The following SASH1 variants were observed in gnomAD, a reference collection of about 807,000 sequenced individuals.
SASH1 encodes SAM and SH3 domain-containing protein 1.
SASH1 carries 44 observed loss-of-function variants against 125.2 expected under a neutral mutation model. The ratio of observed to expected loss-of-function variants is 0.35; its 90% CI spans 0.28 to 0.45. The LOEUF (loss-of-function observed/expected upper bound fraction) is 0.45, where lower values mean the gene tolerates loss of function less well. Ranked by LOEUF, SASH1 falls within the 20% of genes least tolerant of loss-of-function variation. The probability of loss-of-function intolerance (pLI) is 1.00; values close to 1 mark genes in which losing one functional copy is unlikely to be tolerated. For synonymous variants in SASH1, 639 were observed against 649.1 expected (o/e 0.98, Z 0.24); for missense variants, 1,426 against 1,614.5 (o/e 0.88, Z 2.00).
At chr6:148,272,810 G>T (rs1466275934) in intron 1 of SASH1, among the ~76,000 whole-genome samples, 4 of 152,026 alleles carry the variant, frequency 2.6e-5, no homozygotes, top group Non-Finnish European at 5.9e-5. Flanking sequence ...AACCCCCAGG[G>T]GATCGGGACC....
the SASH1 span, among the ~76,000 whole-genome samples, chr6:148,214,321 A>G: frequency 6.6e-6 from 1 of 152,214 alleles, no homozygotes; most frequent in Non-Finnish European, 1.5e-5. Flanking sequence ...CATGTTAATA[A>G]TATAAGATGA....
At chr6:148,534,710 G>A in intron 15 of SASH1, 41 bp from the exon 16 acceptor site, 4 of 1,610,406 alleles carry the variant, frequency 2.5e-6, no homozygotes, top group Non-Finnish European at 2.5e-6. Flanking sequence ...CATGTGTCTG[G>A]GCTGGCTGAC....
chr6:148,446,676 A>G (rs1034149668), intron 4 of SASH1, among the ~76,000 whole-genome samples: 2 of 152,188 alleles, frequency 1.3e-5, no homozygotes, highest in Non-Finnish European at 2.9e-5. Context: ...TTGAAAAGGC[A>G]TAGACAGGTA....
rs1172034513 is a variant in SASH1 at position 148,544,333 on chromosome 6, C to T, written c.2863C>T (p.His955Tyr). ...RTPLEGHRKG[H>Y]EFEGTHHPLG... ...GCCTCTGGAGGGCCACAGAAAAGGA[C>T]ACGAGTTTGAAGGAACACACCATCC... Residue 955 changes from histidine to tyrosine, a missense_variant, in exon 18 of 20, where the codon CAC (histidine) becomes TAC (tyrosine). His to Tyr is a moderately conservative substitution (Grantham distance 83, BLOSUM62 2). Coordinates refer to ENST00000367467, the MANE Select transcript of SASH1 (RefSeq NM_015278.5). This position sits in a 1 kb window ranked among gnomAD's most constrained non-coding sequence, Gnocchi z 6.4. The T allele has an allele frequency of 6.2e-7, 1 of 1,614,100 alleles. No homozygotes were observed. The highest frequency in any genetic ancestry group is 8.5e-7 in the Non-Finnish European group (1 of 1,180,018).
At chr6:148,467,332 A>C (rs1777891527) in intron 4 of SASH1, among the ~76,000 whole-genome samples, 1 of 151,984 alleles carries the variant, frequency 6.6e-6, no homozygotes, top group Admixed American at 6.6e-5. Context: ...CCTGACCTCA[A>C]GTGATCTGCC....
chr6:148,514,458 T>TAAAAAAAAAAAA lies in SASH1; in HGVS notation c.862+19_862+30dup, dbSNP rs10710533. 4.0e-4 allele frequency: 232 copies of TAAAAAAAAAAAA among 573,322 alleles called. 10 individuals carry two copies. The highest frequency in any genetic ancestry group is 1.0e-3 in the East Asian group (9 of 8,786). The allele number at this position is 573,322 out of a possible 1,614,324, so 35.5% of individuals were successfully genotyped here. On this transcript the variant is annotated splice_region_variant and intron_variant, in intron 9 of 19. Transcript: ENST00000367467. Reference sequence around the variant, plus strand: ...AAATGAAAAAACCCAGCACTGAAGGTAAAAAAAAAAAAAAAAAAAAAAAAA... The same window carrying TAAAAAAAAAAAA: ...AAATGAAAAAACCCAGCACTGAAGGTAAAAAAAAAAAAAAAAAAAAAAAAAAAAAAAAAAAAA...
intron 1 of SASH1, among the ~76,000 whole-genome samples, chr6:148,308,262 G>C (rs187033256): frequency 7.5e-4 from 110 of 146,864 alleles, no homozygotes; most frequent in Non-Finnish European, 1.2e-3. Flanking sequence ...CAGTTAAAAA[G>C]ATATTAAATC....
intron 2 of SASH1, among the ~76,000 whole-genome samples, chr6:148,412,743 G>A (rs1460507374): frequency 2.0e-5 from 3 of 152,012 alleles, no homozygotes; most frequent in Non-Finnish European, 4.4e-5. Context: ...AAACACCCCC[G>A]ACCAGGCCCC....
At chr6:148,447,488 T>C (rs1365040799) in intron 4 of SASH1, among the ~76,000 whole-genome samples, 2 of 152,132 alleles carry the variant, frequency 1.3e-5, no homozygotes, top group African/African-American at 4.8e-5. Context: ...GTCTTCACCC[T>C]CTTTCCTCTG....
intron 1 of SASH1, among the ~76,000 whole-genome samples, chr6:148,321,428 T>C (rs1049577536): frequency 1.3e-5 from 2 of 151,452 alleles, no homozygotes; most frequent in Non-Finnish European, 2.9e-5. Flanking sequence ...AATGGATGTA[T>C]GTGCATGAAA....
At chr6:148,218,051 G>A in the SASH1 span, among the ~76,000 whole-genome samples, 1 of 151,566 alleles carries the variant, frequency 6.6e-6, no homozygotes, top group African/African-American at 2.4e-5. Context: ...TGAATCTTGG[G>A]CACTTGTAGT....
At chr6:148,322,877 T>G (rs1780676217) in intron 1 of SASH1, among the ~76,000 whole-genome samples, 1 of 141,294 alleles carries the variant, frequency 7.1e-6, no homozygotes, top group Non-Finnish European at 1.6e-5. Flanking sequence ...CTTTCTTTCT[T>G]TCTTTCTTTT....
intron 1 of SASH1, among the ~76,000 whole-genome samples, chr6:148,303,070 T>A (rs992519106): frequency 6.6e-6 from 1 of 152,086 alleles, no homozygotes; most frequent in African/African-American, 2.4e-5. Flanking sequence ...AAACTCTGCC[T>A]CCCAGATTCA....
At chr6:148,534,127 T>C in intron 15 of SASH1, 147 bp downstream of exon 15, 2 of 656,208 alleles carry the variant, frequency 3.0e-6, no homozygotes, top group Non-Finnish European at 5.2e-6. Flanking sequence ...TGAGCATTCA[T>C]TATTCTACAG....
intron 4 of SASH1, among the ~76,000 whole-genome samples, chr6:148,452,346 A>C (rs914256366): frequency 1.3e-5 from 2 of 152,262 alleles, no homozygotes; most frequent in African/African-American, 2.4e-5. Context: ...TCTGGGCTTC[A>C]GCTCCCTCGT....
chr6:148,196,452 C>T, the SASH1 span, among the ~76,000 whole-genome samples: 1 of 152,204 alleles, frequency 6.6e-6, no homozygotes, highest in Non-Finnish European at 1.5e-5. Flanking sequence ...GATGGCCATG[C>T]ATGATTATTT....
chr6:148,521,081 C>T (rs999294680), intron 10 of SASH1, among the ~76,000 whole-genome samples: 50 of 152,298 alleles, frequency 3.3e-4, no homozygotes, highest in African/African-American at 1.1e-3. Context: ...TCACTTTTAA[C>T]GCTGGATGAT....
intron 1 of SASH1, among the ~76,000 whole-genome samples, chr6:148,385,313 G>T (rs1783315917): frequency 6.6e-6 from 1 of 152,110 alleles, no homozygotes; most frequent in Non-Finnish European, 1.5e-5. Flanking sequence ...CAAGTTATTG[G>T]GGGAGTTTTG....
chr6:148,307,342 C>T lies in SASH1; in HGVS notation n.74+34965C>T, dbSNP rs143739846. 7.3e-3 allele frequency among the ~76,000 whole-genome samples: 1,106 copies of T among 151,778 alleles called. 3 individuals carry two copies. Among genetic ancestry groups the T allele is most frequent in the Non-Finnish European group, 0.012 (788 of 67,932 alleles). ...CATGTTGGTCAGGCTGGTCTCAAAC[C>T]CCTGACCTCGTGATCTGCCTGCCTC... On this transcript the variant is annotated intron_variant and non_coding_transcript_variant, in intron 1 of 3. Coordinates refer to the SASH1 transcript ENST00000367469.
Sources: gnomAD v4.1 joint callset for allele counts (sites outside exome capture counted in the v4.1 genomes callset) on GRCh38, gnomAD v4.1.1 for gene constraint, Gnocchi (gnomAD v3.1) non-coding constraint, MANE v1.5 for transcripts, NCBI Gene and HGNC (gene_info 2026-07-23, HGNC 2026-07-21) for gene names.